Variants in CPED1 observed in about 807,000 individuals in gnomAD.
The protein encoded by CPED1 is cadherin-like and PC-esterase domain-containing protein 1.
Under a neutral mutation model 128.2 loss-of-function variants are expected in CPED1, and 114 were observed. The observed-to-expected ratio is 0.89, with a 90% CI of 0.76 to 1.04. The LOEUF is 1.04. CPED1 is among the 50% of genes least tolerant of loss of function. CPED1 has a pLI of 0.00. For synonymous variants in CPED1, 462 were observed against 426.7 expected, an observed-to-expected ratio of 1.08 and a Z score of -1.02; for missense variants, 1,211 against 1,207.1, an observed-to-expected ratio of 1.00 and a Z score of -0.05.
At chr7:121,065,379 TTCA>T (rs1330764953) in intron 5 of CPED1, among the ~76,000 whole-genome samples, 7 of 152,166 alleles carry the variant, frequency 4.6e-5, no homozygotes, top group Admixed American at 2.6e-4. Flanking sequence ...TGGAGAGTTT[TTCA>T]TCATATGAAA....
intron 16 of CPED1, among the ~76,000 whole-genome samples, chr7:121,147,618 G>T (rs922174779): frequency 1.3e-5 from 2 of 151,994 alleles, no homozygotes; most frequent in African/African-American, 4.8e-5. Context: ...CACACAAGTT[G>T]ATTTGTATAG....
chr7:121,029,691 C>T (rs937617586), intron 3 of CPED1, among the ~76,000 whole-genome samples: 1 of 152,054 alleles, frequency 6.6e-6, no homozygotes, highest in Admixed American at 6.6e-5. Flanking sequence ...TTGTGTGGTA[C>T]CTGAAATTTC....
intron 15 of CPED1, 96 bp from the exon 16 acceptor site, chr7:121,141,877 A>C: frequency 1.1e-6 from 1 of 901,462 alleles, no homozygotes; most frequent in Non-Finnish European, 1.7e-6. Flanking sequence ...TTATTTATTC[A>C]AATAGGTATT....
intron 22 of CPED1, among the ~76,000 whole-genome samples, chr7:121,276,295 A>T (rs572010653): frequency 1.1e-4 from 16 of 152,060 alleles, no homozygotes; most frequent in African/African-American, 3.9e-4. Context: ...ACTTTTGCTT[A>T]TCTTTCTCCA....
At chr7:121,133,576 T>C (rs1795720426) in intron 12 of CPED1, among the ~76,000 whole-genome samples, 1 of 152,120 alleles carries the variant, frequency 6.6e-6, no homozygotes, top group Non-Finnish European at 1.5e-5. Context: ...TCCTCAGATT[T>C]GGACTGAGAG....
intron 5 of CPED1, among the ~76,000 whole-genome samples, chr7:121,075,788 A>G (rs1361218891): frequency 6.6e-6 from 1 of 152,170 alleles, no homozygotes; most frequent in Non-Finnish European, 1.5e-5. Context: ...AAATCTACAT[A>G]TATTTTACAT....
At chr7:121,106,365 C>CAT (rs201003159) in intron 7 of CPED1, among the ~76,000 whole-genome samples, 348 of 151,136 alleles carry the variant, frequency 2.3e-3, no homozygotes, top group African/African-American at 3.3e-3. Flanking sequence ...TATATGCCTA[C>CAT]ATATATATAT....
chr7:121,272,384 C>CT (rs111802460), intron 22 of CPED1, among the ~76,000 whole-genome samples: 6,093 of 149,234 alleles, frequency 0.041, 321 homozygotes, highest in African/African-American at 0.12. Flanking sequence ...CATGCTACTT[C>CT]TTTTTTTTTT....
intron 12 of CPED1, among the ~76,000 whole-genome samples, chr7:121,131,815 CTATGTA>C (rs1795677820): frequency 6.6e-6 from 1 of 151,988 alleles, no homozygotes; most frequent in African/African-American, 2.4e-5. Context: ...ATACTATGAA[CTATGTA>C]TATTTCAGTA....
chr7:121,244,902 G>A (rs1409036929), intron 18 of CPED1, among the ~76,000 whole-genome samples: 3 of 152,126 alleles, frequency 2.0e-5, no homozygotes, highest in Admixed American at 6.5e-5. Flanking sequence ...GCTGATTTCT[G>A]GGACATGCAG....
At chr7:121,044,436 A>C (rs1014512474) in intron 3 of CPED1, among the ~76,000 whole-genome samples, 2 of 152,092 alleles carry the variant, frequency 1.3e-5, no homozygotes, top group African/African-American at 4.8e-5. Context: ...TTTCAGTTAC[A>C]CTTTACTTCA....
intron 7 of CPED1, among the ~76,000 whole-genome samples, chr7:121,108,732 G>T (rs934678509): frequency 4.6e-5 from 7 of 151,958 alleles, no homozygotes; most frequent in African/African-American, 1.7e-4. Context: ...TGACTTAGAA[G>T]AAATGACTTA....
chr7:121,157,390 T>C (rs1230004623), intron 16 of CPED1, among the ~76,000 whole-genome samples: 1 of 151,904 alleles, frequency 6.6e-6, no homozygotes, highest in Non-Finnish European at 1.5e-5. Flanking sequence ...AACAATTACG[T>C]GTGGGGAAAA....
At chr7:121,224,914 T>G (rs1459604282) in intron 16 of CPED1, among the ~76,000 whole-genome samples, 1 of 151,950 alleles carries the variant, frequency 6.6e-6, no homozygotes, top group East Asian at 1.9e-4. Context: ...TGATGGGTCT[T>G]GACTCTTTAT....
intron 22 of CPED1, among the ~76,000 whole-genome samples, chr7:121,277,966 G>A (rs1792363547): frequency 6.6e-6 from 1 of 152,080 alleles, no homozygotes; most frequent in Admixed American, 6.6e-5. Flanking sequence ...GGTCAGTGTT[G>A]TCAAATGTAA....
chr7:121,261,726 G>C lies in CPED1; in HGVS notation c.2311-4501G>C, dbSNP rs971307020. On this transcript the variant is annotated intron_variant, in intron 18 of 22. Transcript: ENST00000310396. ...TAAATGACCTCCCTGCCCCACCCCT[G>C]CACATAAACCTGACTTGAATCACCT... 3 of 1,596,738 alleles carry C rather than the reference G, an allele frequency of 1.9e-6. No individual in the cohort carries two copies. In the African/African-American group the frequency reaches 4.0e-5, roughly 21 times the overall value.
chr7:121,221,625 G>A (rs1797880589), intron 16 of CPED1, among the ~76,000 whole-genome samples: 1 of 152,178 alleles, frequency 6.6e-6, no homozygotes, highest in African/African-American at 2.4e-5. Flanking sequence ...TCCAGCATCT[G>A]TTGTTTCCTG....
At chr7:121,178,532 C>T (rs1439436380) in intron 16 of CPED1, among the ~76,000 whole-genome samples, 1 of 151,980 alleles carries the variant, frequency 6.6e-6, no homozygotes. Flanking sequence ...GAATCTTAAA[C>T]GTGGACAAAA....
intron 16 of CPED1, among the ~76,000 whole-genome samples, chr7:121,208,492 T>C (rs1436318261): frequency 6.6e-6 from 1 of 152,056 alleles, no homozygotes; most frequent in African/African-American, 2.4e-5. Flanking sequence ...TATCCCTTCA[T>C]TTAATCCTCT....
Sources: gnomAD v4.1 joint callset for allele counts (sites outside exome capture counted in the v4.1 genomes callset) on GRCh38, gnomAD v4.1.1 for gene constraint, MANE v1.5 for transcripts, NCBI Gene and HGNC (gene_info 2026-07-23, HGNC 2026-07-21) for gene names.